Variants in ADAM28 observed in about 807,000 individuals in gnomAD.
ADAM28 encodes ADAM metallopeptidase domain 28.
In ADAM28, 105 loss-of-function variants were observed where a neutral mutation model predicts 101.2. The observed-to-expected ratio is 1.04, with a 90% CI of 0.89 to 1.22. ADAM28 has a LOEUF of 1.22. Ranked by LOEUF, ADAM28 falls within the 50% of genes most tolerant of loss-of-function variation. The probability of loss-of-function intolerance (pLI) is 0.00; values close to 1 mark genes in which losing one functional copy is unlikely to be tolerated. For synonymous variants in ADAM28, 322 were observed against 310.6 expected (o/e 1.04, Z -0.39); for missense variants, 1,028 against 945.4 (o/e 1.09, Z -1.15).
rs919005993 is a variant in ADAM28 at position 24,355,336 on chromosome 8, T to C, written c.*932T>C. ...GGTTTCCTACCAAATAATCCCCTTT[T>C]TCCTGGCTTTTAGAACAATAATTTT... On this transcript the variant is annotated 3_prime_UTR_variant, in exon 23 of 23. Coordinates refer to ENST00000265769, the MANE Select transcript of ADAM28 (RefSeq NM_014265.6). 17 of 152,126 alleles carry C rather than the reference T, an allele frequency of 1.1e-4. No homozygotes were observed. Among genetic ancestry groups the C allele is most frequent in the African/African-American group, 4.1e-4 (17 of 41,446 alleles). 9.4% of individuals were successfully genotyped at this position (152,126 alleles called of 1,614,324 possible).
At chr8:24,326,711 C>A in intron 10 of ADAM28, 76 bp downstream of exon 10, 2 of 1,396,646 alleles carry the variant, frequency 1.4e-6, no homozygotes, top group Non-Finnish European at 9.9e-7. Context: ...TAGAGAAGAT[C>A]ATGATAGTTT....
chr8:24,313,623 G>A (rs753296980), intron 6 of ADAM28, 43 bp downstream of exon 6: 6 of 1,578,532 alleles, frequency 3.8e-6, no homozygotes, highest in Non-Finnish European at 2.6e-6. Flanking sequence ...CATGTATTCT[G>A]CCCTGGTTTC....
At chr8:24,306,654 A>C (rs1358993152) in intron 2 of ADAM28, among the ~76,000 whole-genome samples, 1 of 152,078 alleles carries the variant, frequency 6.6e-6, no homozygotes, top group Non-Finnish European at 1.5e-5. Flanking sequence ...CATAGGGGGC[A>C]TATGTATTTT....
intron 19 of ADAM28, among the ~76,000 whole-genome samples, chr8:24,350,290 T>C (rs1342520688): frequency 6.6e-6 from 1 of 152,174 alleles, no homozygotes; most frequent in Non-Finnish European, 1.5e-5. Flanking sequence ...CAATATACGA[T>C]GAGCACTGTG....
At chr8:24,329,427 A>T (rs1395780068) in intron 10 of ADAM28, among the ~76,000 whole-genome samples, 1 of 152,172 alleles carries the variant, frequency 6.6e-6, no homozygotes, top group Non-Finnish European at 1.5e-5. Flanking sequence ...GCTCTAATTT[A>T]TCTGCAAGCT....
chr8:24,357,843 G>A lies in ADAM28; in HGVS notation c.*3439G>A, dbSNP rs1816781042. On this transcript the variant is annotated 3_prime_UTR_variant, in exon 23 of 23. Transcript: ENST00000265769. ...CACCGAGGATTTGCTTGAAATCTCT[G>A]ATAGCCAGTATTCTCATTTATCATA... 6.6e-6 allele frequency: 1 copy of A among 151,990 alleles called. No homozygotes were observed. The highest frequency in any genetic ancestry group is 2.1e-4 in the South Asian group (1 of 4,798). 9.4% of individuals were successfully genotyped at this position (151,990 alleles called of 1,614,324 possible).
At chr8:24,301,888 A>G (rs1808829319) in intron 2 of ADAM28, among the ~76,000 whole-genome samples, 1 of 152,194 alleles carries the variant, frequency 6.6e-6, no homozygotes, top group Non-Finnish European at 1.5e-5. Context: ...TACTGTTAAA[A>G]ATAAGAGACT....
At position 24,342,797 on chromosome 8, in the gene ADAM28, G is replaced by A. The variant is rs187310640; in HGVS notation, c.1831-304G>A. 3.4e-3 allele frequency among the ~76,000 whole-genome samples: 518 copies of A among 152,176 alleles called. 5 individuals carry two copies. Among genetic ancestry groups the A allele is most frequent in the African/African-American group, 0.01 (422 of 41,528 alleles). On this transcript the variant is annotated intron_variant, in intron 16 of 22. Transcript: ENST00000265769. ...AATTGAGATGTTTCTGGGTCCCCTG[G>A]CATTAAGATCATCTCATTATTGCTT... is the stretch of plus-strand genomic sequence containing the variant.
chr8:24,319,466 TC>T (rs1386819747), intron 6 of ADAM28, among the ~76,000 whole-genome samples: 2 of 151,982 alleles, frequency 1.3e-5, no homozygotes, highest in Non-Finnish European at 2.9e-5. Flanking sequence ...AATAAATATT[TC>T]GTTCCCATGG....
At chr8:24,309,694 G>T (rs142554148) in intron 2 of ADAM28, among the ~76,000 whole-genome samples, 200 bp from the exon 3 acceptor site, 3 of 152,138 alleles carry the variant, frequency 2.0e-5, no homozygotes, top group African/African-American at 7.2e-5. Flanking sequence ...TGGTTGGAAG[G>T]GTGGATGGAT....
chr8:24,349,411 G>A (rs1327419206), intron 18 of ADAM28, among the ~76,000 whole-genome samples: 1 of 152,108 alleles, frequency 6.6e-6, no homozygotes, highest in Non-Finnish European at 1.5e-5. Context: ...TGGAACACTC[G>A]ATTATTTGTC....
chr8:24,298,656 C>T (rs1292377036), intron 1 of ADAM28, among the ~76,000 whole-genome samples: 1 of 152,102 alleles, frequency 6.6e-6, no homozygotes, highest in Non-Finnish European at 1.5e-5. Flanking sequence ...CCTTTAGAGA[C>T]CCTCCTAGTC....
At chr8:24,341,386 A>G (rs1276771577) in intron 15 of ADAM28, 4 of 457,228 alleles carry the variant, frequency 8.7e-6, no homozygotes, top group Non-Finnish European at 1.5e-5. Context: ...TTAGGTGTAC[A>G]GGGATCTAGG....
In ADAM28 at chr8:24,349,954, A is replaced by G; in HGVS notation, c.2081A>G (p.Lys694Arg). 1 of 1,613,592 alleles carries G rather than the reference A, an allele frequency of 6.2e-7. No individual in the cohort carries two copies. Among genetic ancestry groups the G allele is most frequent in the Non-Finnish European group, 8.5e-7 (1 of 1,179,660 alleles). Residue 694 changes from lysine (K) to arginine (R), a missense_variant, in exon 19 of 23, where the codon AAG becomes AGG. Transcript: ENST00000265769. The part of the protein sequence containing the change: ...MVIRHQSSRE[K>R]QKKDQRPLST... The stretch of plus-strand genomic sequence containing the variant: ...ATCCGGCACCAGAGCTCCAGAGAAA[A>G]GCAGAAGAAAGATCAGAGGTGATCC...
intron 18 of ADAM28, among the ~76,000 whole-genome samples, chr8:24,349,273 TATTC>T (rs1335097461): frequency 6.6e-6 from 1 of 152,176 alleles, no homozygotes; most frequent in Non-Finnish European, 1.5e-5. Context: ...AGTGAAGTTA[TATTC>T]ATTATTTAAA....
intron 2 of ADAM28, chr8:24,301,021 A>G (rs1439714148): frequency 6.6e-6 from 1 of 152,222 alleles, no homozygotes; most frequent in Non-Finnish European, 1.5e-5. Flanking sequence ...GATTCATTCA[A>G]TTATAACAAT....
chr8:24,331,729 C>G (rs1813389582), intron 12 of ADAM28, among the ~76,000 whole-genome samples: 1 of 152,016 alleles, frequency 6.6e-6, no homozygotes, highest in Admixed American at 6.6e-5. Flanking sequence ...AATGGAGGAG[C>G]CAAGAACTGG....
chr8:24,328,240 CT>C (rs747553844), intron 10 of ADAM28, among the ~76,000 whole-genome samples: 3 of 151,828 alleles, frequency 2.0e-5, no homozygotes, highest in Non-Finnish European at 4.4e-5. Flanking sequence ...GGCGATCTTA[CT>C]TTCATTTTGA....
intron 9 of ADAM28, 87 bp downstream of exon 9, chr8:24,324,090 A>G (rs2129291750): frequency 3.1e-6 from 4 of 1,281,700 alleles, no homozygotes; most frequent in Non-Finnish European, 4.3e-6. Flanking sequence ...GTGCACATAG[A>G]GGGGTAGACA....
Sources: allele counts gnomAD v4.1 joint callset (sites outside exome capture counted in the v4.1 genomes callset), GRCh38; gene constraint gnomAD v4.1.1; transcripts MANE v1.5; gene names NCBI Gene and HGNC (gene_info 2026-07-23, HGNC 2026-07-21).